The following AP3D1 variants were observed in gnomAD, a reference collection of about 807,000 sequenced individuals.
AP3D1 encodes the protein adaptor related protein complex 3 subunit delta 1.
AP3D1 carries 51 observed loss-of-function variants against 147.6 expected under a neutral mutation model. That is an observed-to-expected ratio of 0.35 (90% CI 0.28 to 0.44). AP3D1 has a LOEUF of 0.44. AP3D1 is among the 20% of genes least tolerant of loss of function. The pLI, the probability that AP3D1 is intolerant of heterozygous loss-of-function variation, is 1.00. For synonymous variants in AP3D1, 760 were observed against 663.0 expected (o/e 1.15, Z -2.25); for missense variants, 1,421 against 1,624.2 (o/e 0.87, Z 2.15).
At chr19:2,109,820 A>C in intron 29 of AP3D1, 53 bp downstream of exon 29, 2 of 1,528,870 alleles carry the variant, frequency 1.3e-6, no homozygotes, top group Non-Finnish European at 1.8e-6. Context: ...TCTGCAAGGT[A>C]GAGGGGAGGC....
In AP3D1 at chr19:2,138,698, T is replaced by C. The variant is rs1379659730; in HGVS notation, c.113A>G (p.Gln38Arg). Residue 38 changes from glutamine to arginine, a missense_variant, in exon 2 of 32, where the codon CAG becomes CGG. Around this residue, in one of 6 missense-constraint regions of AP3D1, gnomAD observed 292 missense variants for 412.0 expected, o/e 0.71. Transcript: ENST00000643116. Reference sequence around the variant, plus strand: ...CTCCTGCTTGATCTCATCAATGCACTGAGATATGTATTTTGCCTATAATGG... The same window carrying C: ...CTCCTGCTTGATCTCATCAATGCACCGAGATATGTATTTTGCCTATAATGG... ...HKEDEAKYIS[Q>R]CIDEIKQELK... 1 of 1,613,152 alleles carries C rather than the reference T, an allele frequency of 6.2e-7. No individual in the cohort carries two copies. The highest frequency in any genetic ancestry group is 2.2e-5 in the East Asian group (1 of 44,878).
upstream of AP3D1, chr19:2,164,503 T>G: frequency 6.8e-6 from 2 of 295,672 alleles, no homozygotes; most frequent in Non-Finnish European, 1.2e-5. Flanking sequence ...CCCCGAGCCC[T>G]ACCGCGGTGC....
intron 23 of AP3D1, 49 bp downstream of exon 23, chr19:2,113,287 G>T: frequency 1.1e-6 from 1 of 900,802 alleles, no homozygotes; most frequent in Non-Finnish European, 1.6e-6. Flanking sequence ...TGCCAGGTAT[G>T]ACCTCTGCAG....
chr19:2,108,928 C>T, intron 30 of AP3D1, 158 bp downstream of exon 30: 6 of 1,333,228 alleles, frequency 4.5e-6, no homozygotes, highest in Non-Finnish European at 6.1e-6. Context: ...GGAATGCAGC[C>T]CCCGCACCAG....
chr19:2,138,511 T>C (rs2019134884), intron 2 of AP3D1, 108 bp downstream of exon 2: 1 of 864,730 alleles, frequency 1.2e-6, no homozygotes, highest in South Asian at 1.4e-5. Context: ...CGACAGCAGG[T>C]GGTACCAATG....
intron 1 of AP3D1, among the ~76,000 whole-genome samples, chr19:2,162,957 A>G (rs1441164456): frequency 6.6e-6 from 1 of 151,980 alleles, no homozygotes; most frequent in East Asian, 1.9e-4. Flanking sequence ...AGTTAAAGAG[A>G]TCTAACTTCA....
At chr19:2,124,600 T>C (rs1482780806) in intron 9 of AP3D1, among the ~76,000 whole-genome samples, 1 of 152,188 alleles carries the variant, frequency 6.6e-6, no homozygotes, top group Non-Finnish European at 1.5e-5. Context: ...TGTTTTCTTT[T>C]TAAGACATGG....
intron 31 of AP3D1, among the ~76,000 whole-genome samples, chr19:2,103,923 A>G (rs1449480471): frequency 6.6e-6 from 1 of 152,028 alleles, no homozygotes; most frequent in African/African-American, 2.4e-5. Context: ...AGATCACATC[A>G]CCCAGATGCC....
intron 14 of AP3D1, among the ~76,000 whole-genome samples, chr19:2,119,105 C>T (rs991834650): frequency 6.6e-6 from 1 of 152,224 alleles, no homozygotes; most frequent in African/African-American, 2.4e-5. Context: ...GTCAACTGTG[C>T]AGCTGGCCCT....
chr19:2,114,469 T>C (rs2018382913), intron 21 of AP3D1, among the ~76,000 whole-genome samples, 167 bp from the exon 22 acceptor site: 1 of 152,116 alleles, frequency 6.6e-6, no homozygotes, highest in South Asian at 2.1e-4. Context: ...CTGGAGGCTC[T>C]CATGGGAGGG....
rs561234752 is a variant in AP3D1 at position 2,121,192 on chromosome 19, G to A, written c.1221C>T (p.Ser407=). 8 of 1,614,214 alleles carry A rather than the reference G, an allele frequency of 5.0e-6. No individual in the cohort carries two copies. The highest frequency in any genetic ancestry group is 8.5e-7 in the Non-Finnish European group (1 of 1,180,030). The change falls in exon 13 of 32, where the codon TCC becomes TCT. Residue 407 remains serine, a synonymous_variant. Coordinates refer to ENST00000643116, the MANE Select transcript of AP3D1 (RefSeq NM_001261826.3). Reference sequence around the variant, plus strand: ...CGAAGTTGGTGATGTACTGGTAGTTGGACTGGCTGCAGATGTCAATGATCT... The same window carrying A: ...CGAAGTTGGTGATGTACTGGTAGTTAGACTGGCTGCAGATGTCAATGATCT... ...LTKIIDICSQ[S]NYQYITNFEW...
At position 2,121,834 on chromosome 19, in the gene AP3D1, T is replaced by C. The variant is rs1488310620; in HGVS notation, c.1001A>G (p.His334Arg). The C allele has an allele frequency of 5.6e-6, 9 of 1,611,800 alleles. No individual in the cohort carries two copies. Among genetic ancestry groups the C allele is most frequent in the African/African-American group, 1.3e-5 (1 of 74,880 alleles). Reference sequence around the variant, plus strand: ...CTTGTGGGACTGCACGGACTTGGGGTGGGTCTTCAGGATCTTGGACATTGC... The same window carrying C: ...CTTGTGGGACTGCACGGACTTGGGGCGGGTCTTCAGGATCTTGGACATTGC... Reference protein sequence around the residue: ...LLAMSKILKTHPKSVQSHKDL... With the variant: ...LLAMSKILKTRPKSVQSHKDL... Residue 334 changes from histidine (H) to arginine (R), a missense_variant, in exon 12 of 32, where the codon CAC (histidine) becomes CGC (arginine). His to Arg is a conservative substitution (Grantham distance 29, BLOSUM62 0). Transcript: ENST00000643116.
chr19:2,116,581 C>A, intron 17 of AP3D1, 24 bp downstream of exon 17: 3 of 1,560,178 alleles, frequency 1.9e-6, no homozygotes, highest in Non-Finnish European at 2.6e-6. Context: ...GACGAGGGCT[C>A]GCCAGGGGCA....
chr19:2,110,089 C>G, intron 28 of AP3D1, 47 bp downstream of exon 28: 1 of 1,596,944 alleles, frequency 6.3e-7, no homozygotes, highest in Non-Finnish European at 8.6e-7. Flanking sequence ...AGGAGGAGCC[C>G]CTGCCTGCAG....
At chr19:2,161,620 A>C (rs2019699428) in intron 1 of AP3D1, among the ~76,000 whole-genome samples, 1 of 152,156 alleles carries the variant, frequency 6.6e-6, no homozygotes, top group Non-Finnish European at 1.5e-5. Context: ...TGAGGCATAC[A>C]TGCAGACCAA....
chr19:2,117,516 GTC>G, intron 15 of AP3D1, 149 bp from the exon 16 acceptor site: 1 of 846,262 alleles, frequency 1.2e-6, no homozygotes, highest in Middle Eastern at 3.7e-4. Flanking sequence ...CCTTCATGCC[GTC>G]TCTGTCGTCA....
At chr19:2,138,780 G>T in intron 1 of AP3D1, 66 bp from the exon 2 acceptor site, 1 of 1,222,418 alleles carries the variant, frequency 8.2e-7, no homozygotes, top group Non-Finnish European at 1.2e-6. Context: ...AATGATTTCG[G>T]GCCAGGCACA....
intron 26 of AP3D1, 167 bp downstream of exon 26, chr19:2,111,118 A>G: frequency 1.0e-6 from 1 of 988,496 alleles, no homozygotes; most frequent in Non-Finnish European, 1.5e-6. Flanking sequence ...CATGTCTCCA[A>G]CCTTACCCCA....
intron 1 of AP3D1, among the ~76,000 whole-genome samples, chr19:2,158,530 A>G: frequency 7.1e-6 from 1 of 141,414 alleles, no homozygotes. Flanking sequence ...CTGATCTAGA[A>G]CTCCTGGCCT....
Sources: gnomAD v4.1 joint callset for allele counts (sites outside exome capture counted in the v4.1 genomes callset) on GRCh38, gnomAD v4.1.1 for gene constraint, gnomAD v4.1.1 regional missense constraint, MANE v1.5 for transcripts, NCBI Gene and HGNC (gene_info 2026-07-23, HGNC 2026-07-21) for gene names.